The following SUMF1 variants were observed in gnomAD, a reference collection of about 807,000 sequenced individuals.
The protein encoded by SUMF1 is formylglycine-generating enzyme.
A neutral mutation model predicts 47.6 loss-of-function variants in SUMF1; 48 were observed. That is an observed-to-expected ratio of 1.01 (90% CI 0.80 to 1.28). SUMF1 has a LOEUF of 1.28. SUMF1 is among the 50% of genes most tolerant of loss of function. The pLI, the probability that SUMF1 is intolerant of heterozygous loss-of-function variation, is 0.00. For missense variants in SUMF1, 571 were observed against 485.4 expected, an observed-to-expected ratio of 1.18 and a Z score of -1.66; for synonymous variants, 230 against 192.1, an observed-to-expected ratio of 1.20 and a Z score of -1.63.
chr3:4,044,131 G>C (rs1694963866), intron 9 of SUMF1, among the ~76,000 whole-genome samples: 1 of 152,160 alleles, frequency 6.6e-6, no homozygotes, highest in African/African-American at 2.4e-5. Context: ...CCTAGGGTGT[G>C]ATTGAAGAAA....
intron 3 of SUMF1, among the ~76,000 whole-genome samples, chr3:4,446,304 C>G (rs573153739): frequency 6.6e-6 from 1 of 152,154 alleles, no homozygotes; most frequent in African/African-American, 2.4e-5. Flanking sequence ...ATAAGTCTCA[C>G]GAGATCTGAT....
At chr3:4,251,957 T>C (rs1307461073) in intron 8 of SUMF1, among the ~76,000 whole-genome samples, 2 of 152,218 alleles carry the variant, frequency 1.3e-5, no homozygotes, top group African/African-American at 2.4e-5. Context: ...ATAAATTCTA[T>C]ATGCACGGGA....
intron 8 of SUMF1, among the ~76,000 whole-genome samples, chr3:4,319,497 T>C (rs192832858): frequency 6.6e-6 from 1 of 152,306 alleles, no homozygotes; most frequent in Admixed American, 6.5e-5. Context: ...TTCGATGTGG[T>C]GATCTGGTGA....
intron 8 of SUMF1, among the ~76,000 whole-genome samples, chr3:4,080,048 G>A (rs1692526383): frequency 6.6e-6 from 1 of 151,906 alleles, no homozygotes; most frequent in Non-Finnish European, 1.5e-5. Flanking sequence ...GATCTTCACA[G>A]AGTAGTCACT....
chr3:4,163,253 C>A (rs959146901), intron 8 of SUMF1, among the ~76,000 whole-genome samples: 1 of 150,782 alleles, frequency 6.6e-6, no homozygotes, highest in African/African-American at 2.4e-5. Context: ...ACTCCAACAA[C>A]CAATTATCTC....
intron 8 of SUMF1, among the ~76,000 whole-genome samples, chr3:4,157,785 A>G (rs548411904): frequency 7.9e-5 from 12 of 151,552 alleles, no homozygotes; most frequent in Non-Finnish European, 1.2e-4. Context: ...ATTAGTAATT[A>G]CTTTTATTAC....
intron 8 of SUMF1, among the ~76,000 whole-genome samples, chr3:4,281,720 T>G (rs1175607581): frequency 1.3e-5 from 2 of 152,062 alleles, no homozygotes; most frequent in East Asian, 3.9e-4. Context: ...AATAAATATA[T>G]GTATTTACAT....
chr3:4,169,270 TC>T (rs1186181149), intron 8 of SUMF1, among the ~76,000 whole-genome samples: 2 of 152,110 alleles, frequency 1.3e-5, no homozygotes, highest in Non-Finnish European at 1.5e-5. Context: ...GAAGTCCTAA[TC>T]CCCAGTATCT....
chr3:4,181,745 A>G (rs1413673223), intron 8 of SUMF1, among the ~76,000 whole-genome samples: 1 of 152,114 alleles, frequency 6.6e-6, no homozygotes, highest in Non-Finnish European at 1.5e-5. Flanking sequence ...TAAAGGCATG[A>G]GCCTACCCTT....
intron 8 of SUMF1, among the ~76,000 whole-genome samples, chr3:4,175,532 T>C (rs370402002): frequency 1.3e-5 from 2 of 152,152 alleles, no homozygotes. Flanking sequence ...ACCCCATCTG[T>C]AGGTGACCAA....
At chr3:4,207,105 T>C (rs1695670094) in intron 8 of SUMF1, among the ~76,000 whole-genome samples, 1 of 152,174 alleles carries the variant, frequency 6.6e-6, no homozygotes, top group African/African-American at 2.4e-5. Flanking sequence ...TTCTTTTTAC[T>C]TTCATAGTAA....
At chr3:4,127,960 G>A (rs1243406140) in intron 8 of SUMF1, among the ~76,000 whole-genome samples, 1 of 151,990 alleles carries the variant, frequency 6.6e-6, no homozygotes, top group Non-Finnish European at 1.5e-5. Flanking sequence ...CATCGCTCAT[G>A]AAAGGCAAGG....
rs973794571 is a variant in SUMF1 at position 4,467,119 on chromosome 3, C to G, written c.127G>C (p.Ala43Pro). The part of the protein sequence containing the change: ...GSQEAGTGAG[A>P]GSLAGSCGCG... ...CCGCAAGAACCCGCAAGGGACCCCG[C>G]GCCCGCACCGGTCCCGGCCTCCTGG... The change falls in exon 1 of 9, where the codon GCG becomes CCG. Residue 43 changes from alanine (A) to proline (P), a missense_variant. Transcript: ENST00000272902. 1 of 1,560,502 alleles carries G rather than the reference C, an allele frequency of 6.4e-7. No homozygotes were observed. The highest frequency in any genetic ancestry group is 8.7e-7 in the Non-Finnish European group (1 of 1,153,856).
chr3:4,099,139 C>T (rs922674591), intron 8 of SUMF1, among the ~76,000 whole-genome samples: 1 of 152,108 alleles, frequency 6.6e-6, no homozygotes, highest in Admixed American at 6.5e-5. Context: ...GTATAATCTG[C>T]TGTGCCTCCA....
At chr3:4,213,479 C>A (rs1284023628) in intron 8 of SUMF1, among the ~76,000 whole-genome samples, 1 of 152,128 alleles carries the variant, frequency 6.6e-6, no homozygotes, top group Admixed American at 6.6e-5. Flanking sequence ...TAAAGACCAT[C>A]AACACTATGA....
At chr3:4,178,033 A>T (rs1695005473) in intron 8 of SUMF1, among the ~76,000 whole-genome samples, 1 of 152,212 alleles carries the variant, frequency 6.6e-6, no homozygotes. Context: ...AGGCTCTGAA[A>T]TTGAGGGAAT....
chr3:4,186,064 C>G (rs1358491837), intron 8 of SUMF1, among the ~76,000 whole-genome samples: 26 of 152,128 alleles, frequency 1.7e-4, no homozygotes, highest in Admixed American at 1.7e-3. Flanking sequence ...TGTTTCTATT[C>G]CAGTCATCAC....
At chr3:4,423,716 C>A (rs1701980211) in intron 3 of SUMF1, among the ~76,000 whole-genome samples, 1 of 152,102 alleles carries the variant, frequency 6.6e-6, no homozygotes, top group African/African-American at 2.4e-5. Flanking sequence ...TTAATATAAT[C>A]CCCAATATTG....
intron 1 of SUMF1, among the ~76,000 whole-genome samples, chr3:4,454,436 T>A (rs1703083913): frequency 6.6e-6 from 1 of 152,196 alleles, no homozygotes; most frequent in Non-Finnish European, 1.5e-5. Flanking sequence ...CAACAACAAG[T>A]GCTGATGAGG....
Sources: allele counts gnomAD v4.1 joint callset (sites outside exome capture counted in the v4.1 genomes callset), GRCh38; gene constraint gnomAD v4.1.1; transcripts MANE v1.5; gene names NCBI Gene and HGNC (gene_info 2026-07-23, HGNC 2026-07-21).